The following CASP4 variants were observed in gnomAD, a reference collection of about 807,000 sequenced individuals.
CASP4 encodes caspase 4, also known as caspase-4.
A neutral mutation model predicts 41.3 loss-of-function variants in CASP4; 29 were observed. The observed-to-expected ratio is 0.70, with a 90% CI of 0.52 to 0.96. CASP4 has a LOEUF of 0.96. CASP4 is among the 40% of genes least tolerant of loss of function. CASP4 has a pLI of 0.00. For missense variants in CASP4, 447 were observed against 460.6 expected, an observed-to-expected ratio of 0.97 and a Z score of 0.27; for synonymous variants, 185 against 158.4, an observed-to-expected ratio of 1.17 and a Z score of -1.26.
chr11:104,955,013 A>T lies in CASP4; in HGVS notation c.8-12T>A. 6.2e-7 allele frequency: 1 copy of T among 1,608,526 alleles called. No individual in the cohort carries two copies. Among genetic ancestry groups the T allele is most frequent in the Non-Finnish European group, 8.5e-7 (1 of 1,178,002 alleles). On this transcript the variant is annotated splice_polypyrimidine_tract_variant and intron_variant, in intron 1 of 8. Transcript: ENST00000444739. Reference sequence around the variant, plus strand: ...TCTGTGGTTGCCTTCTGTTAGAAATAGAAAGATTCCTTTAACTATGGGCAC... The same window carrying T: ...TCTGTGGTTGCCTTCTGTTAGAAATTGAAAGATTCCTTTAACTATGGGCAC...
intron 1 of CASP4, among the ~76,000 whole-genome samples, chr11:104,963,031 T>A (rs1233058294): frequency 1.3e-5 from 2 of 152,192 alleles, no homozygotes; most frequent in Non-Finnish European, 2.9e-5. Context: ...AAGTTACTTT[T>A]GATAAAGTTC....
chr11:104,943,151 A>T, intron 8 of CASP4, 178 bp from the exon 9 acceptor site: 1 of 347,010 alleles, frequency 2.9e-6, no homozygotes, highest in South Asian at 2.3e-5. Context: ...CCTAATTTAA[A>T]GCATATTACT....
At chr11:104,956,471 A>C (rs929313025) in intron 1 of CASP4, 4 of 171,244 alleles carry the variant, frequency 2.3e-5, no homozygotes, top group Non-Finnish European at 3.5e-5. Context: ...TGGAAAATGG[A>C]AGATAATAAG....
At chr11:104,959,095 A>T (rs777328798) in intron 1 of CASP4, among the ~76,000 whole-genome samples, 3 of 152,230 alleles carry the variant, frequency 2.0e-5, no homozygotes, top group South Asian at 2.1e-4. Context: ...TATATATCAA[A>T]AATTGGAAAA....
At position 104,948,659 on chromosome 11, in the gene CASP4, A is replaced by G. The variant is rs1565364320; in HGVS notation, c.799T>C (p.Trp267Arg). 2 of 1,604,918 alleles carry G rather than the reference A, an allele frequency of 1.2e-6. No homozygotes were observed. The highest frequency in any genetic ancestry group is 1.7e-6 in the Non-Finnish European group (2 of 1,173,988). Reference protein sequence around the residue: ...ACRGANRGELWVRDSPASLEV... With the variant: ...ACRGANRGELRVRDSPASLEV... ...AAGGATGCTGGAGAGTCTCTGACCC[A>G]CAGTTCCCCACGGTTTGCTATGGAG... Residue 267 changes from tryptophan (W) to arginine (R), a missense_variant, in exon 6 of 9, where the codon TGG (tryptophan) becomes CGG (arginine). By Grantham distance (101) the Trp-to-Arg change is moderately radical. Coordinates refer to ENST00000444739, the MANE Select transcript of CASP4 (RefSeq NM_001225.4).
chr11:104,944,944 G>C (rs188255699), intron 7 of CASP4, 93 bp from the exon 8 acceptor site: 1 of 862,434 alleles, frequency 1.2e-6, no homozygotes, highest in Non-Finnish European at 1.9e-6. Context: ...CTGGAATGAA[G>C]TGAGCTTGCA....
At chr11:104,965,924 G>A (rs1860965047) in intron 1 of CASP4, among the ~76,000 whole-genome samples, 1 of 152,072 alleles carries the variant, frequency 6.6e-6, no homozygotes, top group African/African-American at 2.4e-5. Context: ...AACCAGTTCT[G>A]CCATCACACC....
intron 4 of CASP4, 130 bp downstream of exon 4, chr11:104,950,795 T>TGTACACACAC: frequency 1.1e-5 from 1 of 93,718 alleles, no homozygotes; most frequent in Non-Finnish European, 1.7e-5. Context: ...TCTTATTTTG[T>TGTACACACAC]ATACACACAC....
chr11:104,967,799 G>C (rs144149738), intron 1 of CASP4, among the ~76,000 whole-genome samples: 1 of 152,114 alleles, frequency 6.6e-6, no homozygotes, highest in Non-Finnish European at 1.5e-5. Context: ...TCCTTTTCCT[G>C]TGAGGAGAAT....
chr11:104,955,052 T>A (rs1228675856), intron 1 of CASP4, 51 bp from the exon 2 acceptor site: 1 of 1,551,528 alleles, frequency 6.4e-7, no homozygotes, highest in South Asian at 1.2e-5. Context: ...TTAAAGAGTT[T>A]CACCCTCACT....
At chr11:104,957,449 A>G (rs1278965441) in intron 1 of CASP4, among the ~76,000 whole-genome samples, 1 of 152,082 alleles carries the variant, frequency 6.6e-6, no homozygotes, top group African/African-American at 2.4e-5. Context: ...GCATGTGTCT[A>G]TAGTCCTTGC....
At chr11:104,948,341 G>C (rs1334132114) in intron 6 of CASP4, 192 bp downstream of exon 6, 5 of 419,324 alleles carry the variant, frequency 1.2e-5, no homozygotes, top group South Asian at 8.8e-5. Context: ...AATGGTGAGT[G>C]GTGAATGGGT....
At chr11:104,951,363 C>G in intron 3 of CASP4, 1 of 310,972 alleles carries the variant, frequency 3.2e-6, no homozygotes, top group Non-Finnish European at 5.9e-6. Flanking sequence ...TCTTTCTTAG[C>G]ATTCAAAGTT....
chr11:104,963,364 G>A (rs1860904750), intron 1 of CASP4, among the ~76,000 whole-genome samples: 1 of 151,962 alleles, frequency 6.6e-6, no homozygotes, highest in South Asian at 2.1e-4. Context: ...CCCCATTTTG[G>A]GAAAAACAAA....
Position 104,947,134 on chromosome 11 carries a change from T to C in CASP4, c.984A>G (p.Thr328=), listed in dbSNP as rs1186013316. The change falls in exon 7 of 9, where the codon ACA becomes ACG. Residue 328 remains threonine, a synonymous_variant. Transcript: ENST00000444739. ...AGCACCAAGAATATTTCTGGAAGCA[T>C]GTGATGAGTTGTGTGATGAAGATAG... ...MGSIFITQLI[T]CFQKYSWCCH... 3.1e-6 allele frequency: 5 copies of C among 1,613,002 alleles called. No homozygotes were observed. In the African/African-American group the frequency reaches 4.0e-5, roughly 13 times the overall value.
chr11:104,960,421 C>A (rs1237965195), intron 1 of CASP4, among the ~76,000 whole-genome samples: 1 of 152,036 alleles, frequency 6.6e-6, no homozygotes, highest in Non-Finnish European at 1.5e-5. Flanking sequence ...GCTCCTAGGG[C>A]ACCTTGTATC....
intron 1 of CASP4, 86 bp downstream of exon 1, chr11:104,968,433 C>T (rs1162714598): frequency 1.6e-6 from 2 of 1,254,216 alleles, no homozygotes; most frequent in East Asian, 4.7e-5. Flanking sequence ...TATCGGCTCA[C>T]TTCCTTTCTT....
chr11:104,961,735 T>C (rs1860864471), intron 1 of CASP4, among the ~76,000 whole-genome samples: 1 of 152,198 alleles, frequency 6.6e-6, no homozygotes, highest in Non-Finnish European at 1.5e-5. Context: ...TTGGAAGGCC[T>C]TCTGTCTGTC....
At chr11:104,959,566 G>T (rs1446434314) in intron 1 of CASP4, among the ~76,000 whole-genome samples, 2 of 152,166 alleles carry the variant, frequency 1.3e-5, no homozygotes, top group Non-Finnish European at 2.9e-5. Context: ...ATTCAGCCCA[G>T]ATGTGGATGT....
Sources: allele counts gnomAD v4.1 joint callset (sites outside exome capture counted in the v4.1 genomes callset), GRCh38; gene constraint gnomAD v4.1.1; transcripts MANE v1.5; gene names NCBI Gene and HGNC (gene_info 2026-07-23, HGNC 2026-07-21).